Variants in ZNHIT6 observed in about 807,000 individuals in gnomAD.
The protein encoded by ZNHIT6 is zinc finger HIT-type containing 6.
A neutral mutation model predicts 57.2 loss-of-function variants in ZNHIT6; 45 were observed. The ratio of observed to expected loss-of-function variants is 0.79; its 90% CI spans 0.62 to 1.01. ZNHIT6 has a LOEUF of 1.01. ZNHIT6 is among the 50% of genes least tolerant of loss of function. The probability of loss-of-function intolerance (pLI) is 0.00; values close to 1 mark genes in which losing one functional copy is unlikely to be tolerated. For missense variants in ZNHIT6, 528 were observed against 567.3 expected (o/e 0.93, Z 0.70); for synonymous variants, 188 against 190.0 (o/e 0.99, Z 0.09).
chr1:85,697,061 G>A (rs1023514728), intron 5 of ZNHIT6, among the ~76,000 whole-genome samples: 3 of 150,526 alleles, frequency 2.0e-5, no homozygotes, highest in South Asian at 2.1e-4. Context: ...TAGTAGAGAC[G>A]GGGTTTCACT....
intron 5 of ZNHIT6, among the ~76,000 whole-genome samples, chr1:85,699,495 T>C (rs1662468527): frequency 1.3e-5 from 2 of 152,082 alleles, no homozygotes. Context: ...GGCAATGTCT[T>C]AACAAGAAAT....
In ZNHIT6 at chr1:85,652,331, A is replaced by T. The variant is rs886415847; in HGVS notation, c.*1727T>A. 6.6e-6 allele frequency: 1 copy of T among 152,226 alleles called. No individual in the cohort carries two copies. The allele number at this position is 152,226 out of a possible 1,614,324, so 9.4% of individuals were successfully genotyped here. On this transcript the variant is annotated 3_prime_UTR_variant, in exon 10 of 10. Coordinates refer to ENST00000370574, the MANE Select transcript of ZNHIT6 (RefSeq NM_017953.4). ...TCTATTTCTTGCTGGTTTCAAGAAGACACATTTCACTTTTGATTATAAATG... is the reference window on the plus strand; with the variant it reads ...TCTATTTCTTGCTGGTTTCAAGAAGTCACATTTCACTTTTGATTATAAATG...
At chr1:85,696,504 T>G (rs1662374677) in intron 5 of ZNHIT6, among the ~76,000 whole-genome samples, 1 of 152,104 alleles carries the variant, frequency 6.6e-6, no homozygotes, top group South Asian at 2.1e-4. Context: ...TGAAGGATAC[T>G]TTAGGTTGGT....
chr1:85,706,341 T>C lies in ZNHIT6; in HGVS notation c.737A>G (p.Lys246Arg). The C allele has an allele frequency of 2.5e-6, 4 of 1,613,960 alleles. No homozygotes were observed. Among genetic ancestry groups the C allele is most frequent in the South Asian group, 1.1e-5 (1 of 91,066 alleles). ...ACATGTCAGTTCTGCTTTGTGTTTC[T>C]TTACACAGGGCAAACTGAAAAGACA... is the stretch of plus-strand genomic sequence containing the variant. ...MRYSCSLPCV[K>R]KHKAELTCNG... is the part of the protein sequence containing the mutation. The change falls in exon 3 of 10, where the codon AAG becomes AGG. Residue 246 changes from lysine (K) to arginine (R), a missense_variant. Physicochemically the swap from Lys to Arg is conservative, Grantham distance 26. Coordinates refer to ENST00000370574, the MANE Select transcript of ZNHIT6 (RefSeq NM_017953.4).
At chr1:85,701,461 C>T (rs1447270289) in intron 5 of ZNHIT6, among the ~76,000 whole-genome samples, 1 of 152,152 alleles carries the variant, frequency 6.6e-6, no homozygotes, top group Non-Finnish European at 1.5e-5. Flanking sequence ...CTTTGGGATC[C>T]TGTTCTCTTC....
intron 8 of ZNHIT6, among the ~76,000 whole-genome samples, chr1:85,666,738 T>C (rs35654290): frequency 0.073 from 11,136 of 152,274 alleles, 560 homozygotes; most frequent in Admixed American, 0.11. Context: ...AAGAGTATCA[T>C]CTTTGAGATG....
chr1:85,657,660 C>G (rs189434734), intron 9 of ZNHIT6, among the ~76,000 whole-genome samples, 187 bp downstream of exon 9: 1 of 152,020 alleles, frequency 6.6e-6, no homozygotes, highest in East Asian at 1.9e-4. Context: ...TAAGATTATA[C>G]GCTCTTAGAA....
Position 85,657,876 on chromosome 1 carries a change from G to C in ZNHIT6, c.1343C>G (p.Ser448Cys). The C allele has an allele frequency of 6.2e-7, 1 of 1,607,250 alleles. No homozygotes were observed. The highest frequency in any genetic ancestry group is 8.5e-7 in the Non-Finnish European group (1 of 1,176,850). ...YPTLHVVLKG[S>C]NNDMKVLHQV... ...GTGAAGAACTTTCATGTCATTATTG[G>C]ATCCTTTCAATACCACATGTAATGT... The change falls in exon 9 of 10, where the codon TCC (serine) becomes TGC (cysteine). Residue 448 changes from serine (S) to cysteine (C), a missense_variant. By Grantham distance (112) the Ser-to-Cys change is moderately radical. Coordinates refer to ENST00000370574, the MANE Select transcript of ZNHIT6 (RefSeq NM_017953.4).
At chr1:85,698,970 A>G (rs1570330835) in intron 5 of ZNHIT6, among the ~76,000 whole-genome samples, 1 of 152,144 alleles carries the variant, frequency 6.6e-6, no homozygotes, top group East Asian at 1.9e-4. Flanking sequence ...TTTAGTTGGT[A>G]TTAAAATTTC....
At chr1:85,700,468 C>G (rs1029917588) in intron 5 of ZNHIT6, among the ~76,000 whole-genome samples, 1 of 151,890 alleles carries the variant, frequency 6.6e-6, no homozygotes, top group African/African-American at 2.4e-5. Flanking sequence ...TTCAGAGACC[C>G]GGGGAGTTTC....
Position 85,649,815 on chromosome 1 carries a change from C to A in ZNHIT6, c.*4243G>T, listed in dbSNP as rs1256118793. ...GAAACATATGCTATGTGCATCTGCT[C>A]AAACTAGCAACAACATGATGTCAAA... On this transcript the variant is annotated 3_prime_UTR_variant, in exon 10 of 10. Transcript: ENST00000370574. 1.3e-5 allele frequency: 2 copies of A among 151,610 alleles called. No individual in the cohort carries two copies. The highest frequency in any genetic ancestry group is 3.9e-4 in the East Asian group (2 of 5,176). 9.4% of individuals were successfully genotyped at this position (151,610 alleles called of 1,614,324 possible).
In ZNHIT6 at chr1:85,702,191, T is replaced by A; in HGVS notation, c.985A>T (p.Lys329Ter). The change falls in exon 5 of 10, where the codon AAG becomes TAG. Residue 329 changes from lysine to a stop codon, truncating the protein, a stop_gained. Transcript: ENST00000370574. LOFTEE classifies it high-confidence loss of function. ...NLKLLPNGFT[K>*]RKENSTFFDK... ...AAAAAGGTTGAATTCTCCTTCCTCT[T>A]GGTGAATCCATTGGGTAGAAGTTTT... The A allele has an allele frequency of 6.2e-7, 1 of 1,610,904 alleles. No individual in the cohort carries two copies. The highest frequency in any genetic ancestry group is 8.5e-7 in the Non-Finnish European group (1 of 1,179,102).
intron 5 of ZNHIT6, among the ~76,000 whole-genome samples, chr1:85,700,035 A>G (rs1662484896): frequency 1.3e-5 from 2 of 152,170 alleles, no homozygotes; most frequent in African/African-American, 2.4e-5. Flanking sequence ...AGTTTTAAGT[A>G]TTTTATATTA....
chr1:85,704,868 C>T (rs560691001), intron 4 of ZNHIT6, among the ~76,000 whole-genome samples: 1 of 152,178 alleles, frequency 6.6e-6, no homozygotes, highest in African/African-American at 2.4e-5. Context: ...CACCAGTTGC[C>T]AAATATTCCA....
At chr1:85,678,040 T>A (rs1353019771) in intron 7 of ZNHIT6, among the ~76,000 whole-genome samples, 1 of 152,162 alleles carries the variant, frequency 6.6e-6, no homozygotes, top group Non-Finnish European at 1.5e-5. Context: ...ATTTCACTGA[T>A]GAGAAAAAAT....
In ZNHIT6 at chr1:85,650,259, T is replaced by C. The variant is rs1660868113; in HGVS notation, c.*3799A>G. The C allele has an allele frequency of 6.6e-6, 1 of 152,242 alleles. No individual in the cohort carries two copies. The highest frequency in any genetic ancestry group is 2.4e-5 in the African/African-American group (1 of 41,464). The allele number at this position is 152,242 out of a possible 1,614,324, so 9.4% of individuals were successfully genotyped here. ...TGCTAAGGTAAGCTGAAAATGTCAA[T>C]TGCTGTTATCCACCATCCTCTCACC... On this transcript the variant is annotated 3_prime_UTR_variant, in exon 10 of 10. Coordinates refer to ENST00000370574, the MANE Select transcript of ZNHIT6 (RefSeq NM_017953.4).
Position 85,703,276 on chromosome 1 carries a change from G to C in ZNHIT6, c.916-1016C>G, listed in dbSNP as rs570883830. Among the ~76,000 whole-genome samples, 99 of 152,290 alleles carry C rather than the reference G, an allele frequency of 6.5e-4. 1 individual carries two copies. The highest frequency in any genetic ancestry group is 2.4e-3 in the African/African-American group (98 of 41,576). The stretch of plus-strand genomic sequence containing the variant: ...AAAAAAGAAAAAAAATCCATTAGCA[G>C]TTATGGCTATGGACCATCCCTTGCT... On this transcript the variant is annotated intron_variant, in intron 4 of 9. Coordinates refer to ENST00000370574, the MANE Select transcript of ZNHIT6 (RefSeq NM_017953.4).
chr1:85,706,331 T>G lies in ZNHIT6; in HGVS notation c.747A>C (p.Lys249Asn). ...GAACTCCATTACATGTCAGTTCTGC[T>G]TTGTGTTTCTTTACACAGGGCAAAC... ...SCSLPCVKKH[K>N]AELTCNGVRD... The change falls in exon 3 of 10, where the codon AAA becomes AAC. Residue 249 changes from lysine (K) to asparagine (N), a missense_variant. Lys to Asn is a moderately conservative substitution (Grantham distance 94). Coordinates refer to ENST00000370574, the MANE Select transcript of ZNHIT6 (RefSeq NM_017953.4). 6.2e-7 allele frequency: 1 copy of G among 1,613,932 alleles called. No individual in the cohort carries two copies. The highest frequency in any genetic ancestry group is 8.5e-7 in the Non-Finnish European group (1 of 1,179,888).
intron 8 of ZNHIT6, among the ~76,000 whole-genome samples, chr1:85,658,936 A>C (rs1661149500): frequency 6.6e-6 from 1 of 152,010 alleles, no homozygotes; most frequent in Non-Finnish European, 1.5e-5. Context: ...TAAAAGAATG[A>C]TGAGCTAACT....
Sources: gnomAD v4.1 joint callset for allele counts (sites outside exome capture counted in the v4.1 genomes callset) on GRCh38, gnomAD v4.1.1 for gene constraint, MANE v1.5 for transcripts, NCBI Gene and HGNC (gene_info 2026-07-23, HGNC 2026-07-21) for gene names.